SUCLG2: variants seen among roughly 807,000 people sequenced by gnomAD.
SUCLG2 encodes the protein succinate-CoA ligase GDP-forming subunit beta.
Under a neutral mutation model 47.9 loss-of-function variants are expected in SUCLG2, and 42 were observed. That is an observed-to-expected ratio of 0.88 (90% CI 0.69 to 1.14). SUCLG2 has a LOEUF of 1.14. Among genes scored for constraint, SUCLG2 ranks in the 50% most tolerant of loss-of-function variants. The pLI, the probability that SUCLG2 is intolerant of heterozygous loss-of-function variation, is 0.00. For missense variants in SUCLG2, 571 were observed against 525.9 expected, an observed-to-expected ratio of 1.09 and a Z score of -0.84; for synonymous variants, 195 against 197.3, an observed-to-expected ratio of 0.99 and a Z score of 0.10.
At chr3:67,616,199 T>C (rs924965719) in intron 1 of SUCLG2, among the ~76,000 whole-genome samples, 3 of 152,170 alleles carry the variant, frequency 2.0e-5, no homozygotes, top group African/African-American at 4.8e-5. Flanking sequence ...CTGACCCACA[T>C]GTGCATGACT....
chr3:67,588,328 C>G (rs563223257), intron 2 of SUCLG2, among the ~76,000 whole-genome samples: 1 of 152,274 alleles, frequency 6.6e-6, no homozygotes, highest in South Asian at 2.1e-4. Context: ...TTGAGGTACT[C>G]TAATATGCTA....
intron 2 of SUCLG2, among the ~76,000 whole-genome samples, chr3:67,534,981 T>C (rs1706501669): frequency 6.6e-6 from 1 of 152,098 alleles, no homozygotes; most frequent in Non-Finnish European, 1.5e-5. Context: ...CTCTACTGAT[T>C]AATTACAGGA....
chr3:67,495,811 G>A lies in SUCLG2; in HGVS notation c.1049C>T (p.Thr350Ile). 6.2e-7 allele frequency: 1 copy of A among 1,613,894 alleles called. No individual in the cohort carries two copies. Among genetic ancestry groups the A allele is most frequent in the Non-Finnish European group, 8.5e-7 (1 of 1,179,946 alleles). The change falls in exon 9 of 11, where the codon ACA becomes ATA. Residue 350 changes from threonine to isoleucine, a missense_variant. Physicochemically the swap from Thr to Ile is moderately conservative, Grantham distance 89. Coordinates refer to ENST00000307227, the MANE Select transcript of SUCLG2 (RefSeq NM_003848.4). ...GAGAAAGGTTACCTTAGGATCAGCTGTGAGCAATTTGAATGCTTGATATAC... is the reference window on the plus strand; with the variant it reads ...GAGAAAGGTTACCTTAGGATCAGCTATGAGCAATTTGAATGCTTGATATAC... ...AQVYQAFKLL[T>I]ADPKVEAILV...
chr3:67,363,716 GAAAAAATATGGTTTA>G (rs1032321507), intron 10 of SUCLG2, among the ~76,000 whole-genome samples: 11 of 151,954 alleles, frequency 7.2e-5, no homozygotes, highest in Non-Finnish European at 1.5e-4. Context: ...TGTGGTTTTT[GAAAAAATATGGTTTA>G]AAAAAAGGGT....
chr3:67,467,852 T>A (rs1324491574), intron 9 of SUCLG2, among the ~76,000 whole-genome samples: 1 of 152,064 alleles, frequency 6.6e-6, no homozygotes, highest in Non-Finnish European at 1.5e-5. Flanking sequence ...GTCACAGATG[T>A]AAGAGGAAAC....
At chr3:67,462,543 G>T (rs1052942101) in intron 9 of SUCLG2, among the ~76,000 whole-genome samples, 1 of 152,218 alleles carries the variant, frequency 6.6e-6, no homozygotes, top group African/African-American at 2.4e-5. Context: ...GGAGGTTTCT[G>T]TAGGGCGGCA....
chr3:67,376,804 T>C (rs1364031162), intron 10 of SUCLG2, among the ~76,000 whole-genome samples: 1 of 152,210 alleles, frequency 6.6e-6, no homozygotes, highest in Non-Finnish European at 1.5e-5. Flanking sequence ...AGATGGCCGC[T>C]TGGCACTGTG....
At chr3:67,497,216 C>T (rs1206201788) in intron 8 of SUCLG2, among the ~76,000 whole-genome samples, 1 of 152,136 alleles carries the variant, frequency 6.6e-6, no homozygotes, top group South Asian at 2.1e-4. Context: ...TTGTATTGAA[C>T]AGCCACCTCT....
chr3:67,563,775 C>A (rs1042072861), intron 2 of SUCLG2, among the ~76,000 whole-genome samples: 7 of 151,800 alleles, frequency 4.6e-5, no homozygotes, highest in Non-Finnish European at 1.0e-4. Context: ...CTGGTTAACA[C>A]GGTGAAACCC....
intron 9 of SUCLG2, among the ~76,000 whole-genome samples, chr3:67,464,769 T>A (rs1441319231): frequency 6.6e-6 from 1 of 152,226 alleles, no homozygotes; most frequent in Non-Finnish European, 1.5e-5. Flanking sequence ...ACTTTGTCTT[T>A]TAGAAATCAG....
At position 67,638,239 on chromosome 3, in the gene SUCLG2, A is replaced by T. The variant is rs562571244; in HGVS notation, c.84+16264T>A. ...ATAAATGATAGATAATGATAATGAT[A>T]GTACCTATGTTACAGATTGCTGCTG... On this transcript the variant is annotated intron_variant, in intron 1 of 10. Coordinates refer to ENST00000307227, the MANE Select transcript of SUCLG2 (RefSeq NM_003848.4). 9.8e-5 allele frequency among the ~76,000 whole-genome samples: 15 copies of T among 152,364 alleles called. No individual in the cohort carries two copies. The South Asian group carries it at 3.1e-3, about 32-fold the overall frequency.
At chr3:67,488,632 T>C (rs1242558641) in intron 9 of SUCLG2, among the ~76,000 whole-genome samples, 2 of 152,234 alleles carry the variant, frequency 1.3e-5, no homozygotes, top group African/African-American at 4.8e-5. Context: ...AAGATTATTC[T>C]TAAGATGCAG....
intron 1 of SUCLG2, among the ~76,000 whole-genome samples, chr3:67,640,239 C>A (rs760924389): frequency 2.6e-5 from 4 of 152,202 alleles, no homozygotes; most frequent in African/African-American, 9.7e-5. Flanking sequence ...TCGTGTACTG[C>A]CAATGGATGT....
chr3:67,462,879 T>C (rs1227311918), intron 9 of SUCLG2, among the ~76,000 whole-genome samples: 1 of 152,146 alleles, frequency 6.6e-6, no homozygotes, highest in African/African-American at 2.4e-5. Context: ...GAACTGAATT[T>C]AGATAGAGGA....
rs976613536 is a variant in SUCLG2 at position 67,436,198 on chromosome 3, T to C, written c.1063-35347A>G. On this transcript the variant is annotated intron_variant, in intron 9 of 10. Transcript: ENST00000307227. ...TGCTTTTTTCTAAAGACAAGGCTAC[T>C]GCTAATAATGAATGAGCAGGAAAAC... Among the ~76,000 whole-genome samples the C allele has an allele frequency of 3.3e-5, 5 of 152,318 alleles. No individual in the cohort carries two copies. In the South Asian group the frequency reaches 8.3e-4, roughly 25 times the overall value.
At chr3:67,382,091 G>A (rs1462068138) in intron 10 of SUCLG2, among the ~76,000 whole-genome samples, 1 of 152,164 alleles carries the variant, frequency 6.6e-6, no homozygotes, top group Non-Finnish European at 1.5e-5. Flanking sequence ...TATTTTAATA[G>A]GAATTCAGTT....
intron 3 of SUCLG2, 73 bp downstream of exon 3, chr3:67,529,014 G>C: frequency 7.6e-7 from 1 of 1,323,088 alleles, no homozygotes; most frequent in Non-Finnish European, 1.1e-6. Context: ...ACCTCAGTGT[G>C]CCTTTCAATC....
chr3:67,502,626 T>A (rs1705528741), intron 7 of SUCLG2, among the ~76,000 whole-genome samples: 1 of 152,218 alleles, frequency 6.6e-6, no homozygotes, highest in Admixed American at 6.5e-5. Flanking sequence ...CACATGCTTT[T>A]TTATACTTAA....
intron 2 of SUCLG2, among the ~76,000 whole-genome samples, chr3:67,570,880 G>A (rs1466057300): frequency 2.0e-5 from 3 of 152,146 alleles, no homozygotes; most frequent in Non-Finnish European, 2.9e-5. Context: ...AGCACTCAGT[G>A]AGTTTTGTGG....
Sources: allele counts gnomAD v4.1 joint callset (sites outside exome capture counted in the v4.1 genomes callset), GRCh38; gene constraint gnomAD v4.1.1; transcripts MANE v1.5; gene names NCBI Gene and HGNC (gene_info 2026-07-23, HGNC 2026-07-21).